The following MUC4 variants were observed in gnomAD, a reference collection of about 807,000 sequenced individuals.
The protein encoded by MUC4 is mucin 4, cell surface associated.
Under a neutral mutation model 257.9 loss-of-function variants are expected in MUC4, and 202 were observed. That is an observed-to-expected ratio of 0.78 (90% CI 0.70 to 0.88). The LOEUF (loss-of-function observed/expected upper bound fraction) is 0.88. Among genes scored for constraint, MUC4 ranks in the 40% least tolerant of loss-of-function variants. The pLI, the probability that MUC4 is intolerant of heterozygous loss-of-function variation, is 0.00. For missense variants in MUC4, 5,976 were observed against 6,513.7 expected, an observed-to-expected ratio of 0.92 and a Z score of 2.84; for synonymous variants, 2,351 against 2,757.1, an observed-to-expected ratio of 0.85 and a Z score of 4.62.
At chr3:195,761,406 A>G in intron 15 of MUC4, 78 bp downstream of exon 15, 1 of 1,277,622 alleles carries the variant, frequency 7.8e-7, no homozygotes, top group South Asian at 1.3e-5. Flanking sequence ...TCTGCTTCCT[A>G]CAGGGCCGAG....
At chr3:195,751,930 T>G (rs1716528306) in intron 21 of MUC4, 2 of 214,816 alleles carry the variant, frequency 9.3e-6, no homozygotes, top group Admixed American at 1.0e-4. Context: ...CCTGCTCTAG[T>G]GAGGGGCAGA....
chr3:195,748,346 C>T (rs1715572905), intron 24 of MUC4, among the ~76,000 whole-genome samples: 1 of 152,268 alleles, frequency 6.6e-6, no homozygotes, highest in Admixed American at 6.5e-5. Context: ...GACGGATCAC[C>T]TGAGGTCAGG....
At position 195,759,918 on chromosome 3, in the gene MUC4, A is replaced by AAC. The variant is rs1553855203; in HGVS notation, c.14849-659_14849-658dup. On this transcript the variant is annotated intron_variant, in intron 16 of 24. Transcript: ENST00000463781. ...TGGGCAACAAGAGCGAAACTCCGTCAACACACACACACACACGCACAAAAC... is the reference window on the plus strand; with the variant it reads ...TGGGCAACAAGAGCGAAACTCCGTCAACACACACACACACACACGCACAAAAC... Among the ~76,000 whole-genome samples the AAC allele has an allele frequency of 1.4e-4, 21 of 149,852 alleles. No homozygotes were observed. In the South Asian group the frequency reaches 1.9e-3, roughly 14 times the overall value.
At chr3:195,808,632 G>A (rs1479989668) in intron 1 of MUC4, among the ~76,000 whole-genome samples, 1 of 152,232 alleles carries the variant, frequency 6.6e-6, no homozygotes, top group East Asian at 1.9e-4. Flanking sequence ...GCCAAAAGGC[G>A]TTGCCTGTGT....
In MUC4 at chr3:195,789,260, G is replaced by A. The variant is rs773746923; in HGVS notation, c.2320C>T (p.His774Tyr). ...PDTAAAMTHTHQAESTEASGQ... is the reference protein window; with the variant it reads ...PDTAAAMTHTYQAESTEASGQ... The stretch of plus-strand genomic sequence containing the variant: ...GAGGCCTCTGTGCTCTCAGCCTGGT[G>A]GGTATGGGTCATGGCTGCTGCTGTG... Residue 774 changes from histidine to tyrosine, a missense_variant, in exon 2 of 25, where the codon CAC becomes TAC. This residue lies in a region of MUC4 where 1,583 missense variants were observed against 1,257.4 expected (regional missense o/e 1.26). Transcript: ENST00000463781. 6.2e-7 allele frequency: 1 copy of A among 1,613,920 alleles called. No homozygotes were observed. Among genetic ancestry groups the A allele is most frequent in the South Asian group, 1.1e-5 (1 of 91,068 alleles).
In MUC4 at chr3:195,789,941, T is replaced by C. The variant is rs1733650589; in HGVS notation, c.1639A>G (p.Thr547Ala). ...SAIGEPGEPT[T>A]YSSHSTTLPK... ...AGAGTTGTGCTGTGGGAGGAGTATG[T>C]GGTGGGCTCTCCTGGTTCCCCTATT... The change falls in exon 2 of 25, where the codon ACA (threonine) becomes GCA (alanine). Residue 547 changes from threonine to alanine, a missense_variant. Physicochemically the swap from Thr to Ala is moderately conservative, Grantham distance 58. Around this residue, in one of 44 missense-constraint regions of MUC4, gnomAD observed 1,583 missense variants for 1,257.4 expected, o/e 1.26. Transcript: ENST00000463781. 6.2e-7 allele frequency: 1 copy of C among 1,613,960 alleles called. No homozygotes were observed. The highest frequency in any genetic ancestry group is 1.1e-5 in the South Asian group (1 of 91,076).
rs557763949 is a variant in MUC4, at chr3:195,751,094, GGCCGGTGCT to G, written c.15657_15665del (p.Ala5220_Ala5222del). Reference sequence around the variant, plus strand: ...TCCAGTGTTGGATGGGGCTTCCCGAGGCCGGTGCTGCAGAATCGCTGTGTGGGAGGGCAA... The same window carrying G: ...TCCAGTGTTGGATGGGGCTTCCCGAGGCAGAATCGCTGTGTGGGAGGGCAA... On this transcript the variant is annotated inframe_deletion, in exon 23 of 25. Coordinates refer to ENST00000463781, the MANE Select transcript of MUC4 (RefSeq NM_018406.7). 4.2e-3 allele frequency: 6,698 copies of G among 1,612,066 alleles called. 169 individuals carry two copies. In the African/African-American group the frequency reaches 0.066, roughly 16 times the overall value.
At chr3:195,767,514 C>T (rs1720948356) in intron 7 of MUC4, among the ~76,000 whole-genome samples, 1 of 92,430 alleles carries the variant, frequency 1.1e-5, no homozygotes, top group South Asian at 4.0e-4. Context: ...CCACCATCAC[C>T]ATCACCACCA....
intron 21 of MUC4, 149 bp downstream of exon 21, chr3:195,752,224 T>C (rs904330257): frequency 2.8e-6 from 2 of 723,384 alleles, no homozygotes; most frequent in African/African-American, 3.5e-5. Context: ...CCTAATGCCC[T>C]GCACCTCCCA....
chr3:195,773,447 G>T (rs780060344), intron 4 of MUC4, among the ~76,000 whole-genome samples: 69 of 146,782 alleles, frequency 4.7e-4, no homozygotes, highest in Non-Finnish European at 8.6e-4. Flanking sequence ...CAGCAGGTGT[G>T]GACACCCTCT....
chr3:195,751,854 A>C, intron 21 of MUC4: 1 of 191,328 alleles, frequency 5.2e-6, no homozygotes, highest in East Asian at 1.3e-4. Context: ...CGGCCTGTTG[A>C]CTCAGGTGCT....
chr3:195,761,426 A>T (rs1426750074), intron 15 of MUC4, 58 bp downstream of exon 15: 14 of 1,422,942 alleles, frequency 9.8e-6, no homozygotes, highest in Non-Finnish European at 1.4e-5. Flanking sequence ...GGGGGACGAC[A>T]TAAACATACC....
At position 195,765,269 on chromosome 3, in the gene MUC4, C is replaced by T. The variant is rs758879305; in HGVS notation, c.13798+1G>A. The T allele has an allele frequency of 1.2e-6, 2 of 1,610,048 alleles. No individual in the cohort carries two copies. Among genetic ancestry groups the T allele is most frequent in the Admixed American group, 3.3e-5 (2 of 59,812 alleles). On this transcript the variant is annotated splice_donor_variant, in intron 9 of 24. Transcript: ENST00000463781. LOFTEE classifies it high-confidence loss of function. ...TGTGGGGGGCGGGAAGGAGGTGTCA[C>T]CTATGCTGACGGGTTGGAATCGTAA...
intron 3 of MUC4, among the ~76,000 whole-genome samples, chr3:195,776,758 A>G (rs1210793549): frequency 4.8e-5 from 3 of 61,902 alleles, no homozygotes; most frequent in African/African-American, 1.8e-4. Context: ...TACCTTCCAC[A>G]CCCATACCTT....
chr3:195,774,146 C>T, intron 4 of MUC4, 26 bp downstream of exon 4: 1 of 1,581,128 alleles, frequency 6.3e-7, no homozygotes, highest in Non-Finnish European at 8.6e-7. Flanking sequence ...GGAGTTCAGG[C>T]TGCGCGGGCC....
At chr3:195,774,649 C>A (rs1723931577) in intron 3 of MUC4, among the ~76,000 whole-genome samples, 2 of 152,152 alleles carry the variant, frequency 1.3e-5, no homozygotes. Context: ...CGCCTGTAAT[C>A]CCAGCACTTT....
intron 1 of MUC4, among the ~76,000 whole-genome samples, chr3:195,797,658 A>C (rs1018678881): frequency 6.6e-6 from 1 of 152,260 alleles, no homozygotes; most frequent in Non-Finnish European, 1.5e-5. Flanking sequence ...AGAAAATTAA[A>C]CAAAAAGTAT....
Position 195,783,157 on chromosome 3 carries a change from G to A in MUC4, c.8423C>T (p.Ser2808Leu), listed in dbSNP as rs1192224646. The A allele has an allele frequency of 1.5e-6, 2 of 1,368,646 alleles. No individual in the cohort carries two copies. Among genetic ancestry groups the A allele is most frequent in the East Asian group, 2.9e-5 (1 of 34,668 alleles). The allele number at this position is 1,368,646 out of a possible 1,614,324, so 84.8% of individuals were successfully genotyped here. A position where few individuals can be genotyped will look rare whatever the true frequency, so the allele number is the denominator to read the frequency against. Residue 2808 changes from serine to leucine, a missense_variant, in exon 2 of 25, where the codon TCA becomes TTA. Physicochemically the swap from Ser to Leu is moderately radical, Grantham distance 145. This residue lies in a region of MUC4 where 228 missense variants were observed against 206.3 expected (regional missense o/e 1.11). Transcript: ENST00000463781. ...AGAGGTGGCGTGACCTGTGGACACT[G>A]ACGAAGCGTCGGTGACAGGAAGAGG... ...TTPLPVTDAS[S>L]VSTGHATSLP... is the part of the protein sequence containing the mutation.
intron 7 of MUC4, among the ~76,000 whole-genome samples, chr3:195,768,378 T>G (rs1192095312): frequency 6.6e-6 from 1 of 152,162 alleles, no homozygotes. Flanking sequence ...GGAGACAGCC[T>G]CCCACACACG....
Sources: allele counts gnomAD v4.1 joint callset (sites outside exome capture counted in the v4.1 genomes callset), GRCh38; gene constraint gnomAD v4.1.1; regional missense constraint gnomAD v4.1.1; transcripts MANE v1.5; gene names NCBI Gene and HGNC (gene_info 2026-07-23, HGNC 2026-07-21).